RCOR1: variants seen among roughly 807,000 people sequenced by gnomAD.
The protein encoded by RCOR1 is REST corepressor.
RCOR1 carries 12 observed loss-of-function variants against 64.0 expected under a neutral mutation model. That is an observed-to-expected ratio of 0.19 (90% CI 0.12 to 0.30). The LOEUF (loss-of-function observed/expected upper bound fraction) is 0.30, where lower values mean the gene tolerates loss of function less well. RCOR1 is among the 10% of genes least tolerant of loss of function. The pLI is 1.00. For synonymous variants in RCOR1, 279 were observed against 227.2 expected, an observed-to-expected ratio of 1.23 and a Z score of -2.05; for missense variants, 502 against 621.2, an observed-to-expected ratio of 0.81 and a Z score of 2.04.
chr14:102,715,558 T>G (rs975879234), intron 8 of RCOR1, among the ~76,000 whole-genome samples: 7 of 151,748 alleles, frequency 4.6e-5, no homozygotes, highest in Non-Finnish European at 5.9e-5. Context: ...ATTTTTTGTG[T>G]TTTTGGTAGA....
chr14:102,609,873 C>T lies in RCOR1; in HGVS notation c.361+16548C>T, dbSNP rs530036230. ...GGTCCTTTAAGGCCGGGTGCAGTGG[C>T]TCACCCCTGTAATCCCAGCACTTTG... On this transcript the variant is annotated intron_variant, in intron 2 of 11. Transcript: ENST00000262241. Among the ~76,000 whole-genome samples the T allele has an allele frequency of 3.9e-5, 6 of 151,952 alleles. No individual in the cohort carries two copies. In the South Asian group the frequency reaches 1.2e-3, roughly 32 times the overall value.
chr14:102,675,692 G>A (rs1371084266), intron 2 of RCOR1, among the ~76,000 whole-genome samples: 3 of 152,162 alleles, frequency 2.0e-5, no homozygotes, highest in Non-Finnish European at 4.4e-5. Flanking sequence ...ATTCCAATGC[G>A]GGGCACCACT....
chr14:102,628,242 G>A (rs550010516), intron 2 of RCOR1, among the ~76,000 whole-genome samples: 5 of 152,086 alleles, frequency 3.3e-5, no homozygotes, highest in Admixed American at 1.3e-4. Flanking sequence ...CTCAGTCCAC[G>A]GATTCAAATG....
At chr14:102,672,464 G>A (rs534218867) in intron 2 of RCOR1, among the ~76,000 whole-genome samples, 3 of 152,104 alleles carry the variant, frequency 2.0e-5, no homozygotes, top group South Asian at 2.1e-4. Context: ...CGCCCGCCTC[G>A]GCTTCCCAAA....
intron 2 of RCOR1, among the ~76,000 whole-genome samples, chr14:102,671,308 G>T (rs1017593512): frequency 1.3e-5 from 2 of 152,176 alleles, no homozygotes; most frequent in South Asian, 4.1e-4. Context: ...AGGGGAGGGG[G>T]TTATGAGAAT....
chr14:102,633,005 C>G (rs1894161052), intron 2 of RCOR1, among the ~76,000 whole-genome samples: 1 of 151,448 alleles, frequency 6.6e-6, no homozygotes, highest in Non-Finnish European at 1.5e-5. Flanking sequence ...ATGGGGGTCT[C>G]ACTGTGTTGC....
At chr14:102,622,930 TTAACTC>T (rs1255050788) in intron 2 of RCOR1, among the ~76,000 whole-genome samples, 1 of 152,226 alleles carries the variant, frequency 6.6e-6, no homozygotes, top group African/African-American at 2.4e-5. Flanking sequence ...GTTCCCCTCT[TTAACTC>T]TAGTAATGCT....
At chr14:102,608,653 T>C (rs1375331382) in intron 2 of RCOR1, among the ~76,000 whole-genome samples, 1 of 152,082 alleles carries the variant, frequency 6.6e-6, no homozygotes. Flanking sequence ...CAGGCTGGTC[T>C]TGAGCTCCCG....
At position 102,721,485 on chromosome 14, in the gene RCOR1, AG is replaced by A. The variant is rs1339097036; in HGVS notation, c.1189+110del. ...GCATTTGCTTGAGCCCAGGAGCTCAAGGCTGCATTGATCCATGATCACACCA... is the reference window on the plus strand; with the variant it reads ...GCATTTGCTTGAGCCCAGGAGCTCAAGCTGCATTGATCCATGATCACACCA... On this transcript the variant is annotated intron_variant, in intron 10 of 11. Coordinates refer to ENST00000262241, the MANE Select transcript of RCOR1 (RefSeq NM_015156.4). 6.9e-6 allele frequency: 5 copies of A among 722,100 alleles called. No homozygotes were observed. In the East Asian group the frequency reaches 1.1e-4, roughly 16 times the overall value. The allele number at this position is 722,100 out of a possible 1,614,324, so 44.7% of individuals were successfully genotyped here.
chr14:102,713,433 C>T (rs970818555), intron 7 of RCOR1, among the ~76,000 whole-genome samples: 8 of 152,082 alleles, frequency 5.3e-5, no homozygotes, highest in Admixed American at 1.3e-4. Flanking sequence ...CAGGCGCCCG[C>T]CACCGCACCT....
intron 3 of RCOR1, among the ~76,000 whole-genome samples, chr14:102,688,800 C>A (rs1157092273): frequency 1.3e-5 from 2 of 152,226 alleles, no homozygotes; most frequent in Non-Finnish European, 2.9e-5. Flanking sequence ...GATACGGTAT[C>A]ATCTCTCCTC....
intron 2 of RCOR1, among the ~76,000 whole-genome samples, chr14:102,669,619 G>A (rs750649179): frequency 1.3e-5 from 2 of 152,144 alleles, no homozygotes; most frequent in African/African-American, 4.8e-5. Flanking sequence ...CTGCTCATAG[G>A]TGTGATGTTG....
At chr14:102,722,065 A>G in intron 10 of RCOR1, 122 bp from the exon 11 acceptor site, 1 of 712,628 alleles carries the variant, frequency 1.4e-6, no homozygotes, top group Non-Finnish European at 2.4e-6. Flanking sequence ...AATACACGAA[A>G]TTATTGCCTG....
chr14:102,657,700 TG>T (rs1203406187), intron 2 of RCOR1: 9 of 374,176 alleles, frequency 2.4e-5, no homozygotes, highest in Non-Finnish European at 3.3e-5. Flanking sequence ...TAGCCGGACT[TG>T]GTGGTGCGTG....
rs562008355 is a variant in RCOR1, at chr14:102,640,132, G to A, written c.362-41763G>A. 2.8e-4 allele frequency among the ~76,000 whole-genome samples: 43 copies of A among 152,136 alleles called. No individual in the cohort carries two copies. The South Asian group carries it at 8.7e-3, about 31-fold the overall frequency. On this transcript the variant is annotated intron_variant, in intron 2 of 11. Transcript: ENST00000262241. ...AGTGCTGGGATGACAGGCGTGAGCC[G>A]CCACACCCAGCCATATATATATGTA...
intron 2 of RCOR1, among the ~76,000 whole-genome samples, chr14:102,635,400 A>C (rs1595205551): frequency 6.6e-6 from 1 of 152,018 alleles, no homozygotes; most frequent in African/African-American, 2.4e-5. Flanking sequence ...GCTACTCGGG[A>C]GGCTGAGGTG....
intron 2 of RCOR1, among the ~76,000 whole-genome samples, chr14:102,632,103 C>G: frequency 6.6e-6 from 1 of 150,884 alleles, no homozygotes; most frequent in Non-Finnish European, 1.5e-5. Context: ...AGCCACCGTG[C>G]CGAGCCACCA....
chr14:102,662,122 G>T (rs1354697812), intron 2 of RCOR1: 2 of 356,696 alleles, frequency 5.6e-6, no homozygotes, highest in Non-Finnish European at 1.1e-5. Flanking sequence ...TTTGCATGTT[G>T]TACTTCATGT....
chr14:102,655,826 G>A (rs1208013719), intron 2 of RCOR1: 8 of 280,852 alleles, frequency 2.8e-5, no homozygotes, highest in African/African-American at 4.6e-5. Context: ...GGTCACAGGC[G>A]TCTGTAATCC....
Sources: allele counts gnomAD v4.1 joint callset (sites outside exome capture counted in the v4.1 genomes callset), GRCh38; gene constraint gnomAD v4.1.1; transcripts MANE v1.5; gene names NCBI Gene and HGNC (gene_info 2026-07-23, HGNC 2026-07-21).